Variants in PTPRD observed in about 807,000 individuals in gnomAD.
The protein encoded by PTPRD is protein tyrosine phosphatase receptor type D, also known as receptor-type tyrosine-protein phosphatase delta.
Under a neutral mutation model 214.5 loss-of-function variants are expected in PTPRD, and 34 were observed. The ratio of observed to expected loss-of-function variants is 0.16; its 90% confidence interval spans 0.12 to 0.21. PTPRD has a LOEUF of 0.21. PTPRD is among the 10% of genes least tolerant of loss of function. PTPRD has a pLI of 1.00. For synonymous variants in PTPRD, 1,128 were observed against 845.7 expected, an observed-to-expected ratio of 1.33 and a Z score of -5.79; for missense variants, 2,545 against 2,398.7, an observed-to-expected ratio of 1.06 and a Z score of -1.27.
intron 6 of PTPRD, among the ~76,000 whole-genome samples, chr9:9,748,794 G>T (rs564781355): frequency 2.0e-5 from 3 of 152,192 alleles, no homozygotes; most frequent in Admixed American, 6.6e-5. Context: ...TTCATTTGGA[G>T]ATTTATGTCA....
intron 6 of PTPRD, among the ~76,000 whole-genome samples, chr9:9,765,887 C>T (rs1057161692): frequency 4.6e-5 from 7 of 152,116 alleles, no homozygotes; most frequent in Non-Finnish European, 1.0e-4. Context: ...TGGTCTCGAT[C>T]TCCTGACCTC....
chr9:9,947,364 T>TATATATATTATATATATATTATATATATA lies in PTPRD; in HGVS notation c.-471-8755_-471-8754insTATATATATAATATATATATAATATATAT. ...TATATATAATATATATTATATATATTATATATATATTATATATATTTTATA... is the reference window on the plus strand; with the variant it reads ...TATATATAATATATATTATATATATTATATATATTATATATATATTATATATATAATATATATATTATATATATTTTATA... On this transcript the variant is annotated intron_variant, in intron 4 of 45. Coordinates refer to ENST00000381196, the MANE Select transcript of PTPRD (RefSeq NM_002839.4). 5.0e-5 allele frequency among the ~76,000 whole-genome samples: 2 copies of TATATATATTATATATATATTATATATATA among 39,662 alleles called. 1 individual carries two copies. Among genetic ancestry groups the TATATATATTATATATATATTATATATATA allele is most frequent in the South Asian group, 1.7e-3 (2 of 1,196 alleles). The allele number at this position is 39,662 out of a possible 152,430, so 26.0% of individuals were successfully genotyped here. A position where few individuals can be genotyped will look rare whatever the true frequency, so the allele number is the denominator to read the frequency against.
chr9:9,684,889 C>G (rs2097140732), intron 7 of PTPRD, among the ~76,000 whole-genome samples: 1 of 151,572 alleles, frequency 6.6e-6, no homozygotes, highest in Non-Finnish European at 1.5e-5. Flanking sequence ...TGATCCACAG[C>G]ATGTTACTTA....
intron 3 of PTPRD, among the ~76,000 whole-genome samples, chr9:10,109,754 G>T (rs2098673359): frequency 1.3e-5 from 2 of 152,166 alleles, no homozygotes; most frequent in African/African-American, 4.8e-5. Context: ...GATAAAGCCA[G>T]ACCTCTAGGG....
At chr9:9,907,873 G>A (rs1004306493) in intron 5 of PTPRD, among the ~76,000 whole-genome samples, 4 of 151,912 alleles carry the variant, frequency 2.6e-5, no homozygotes, top group African/African-American at 4.8e-5. Flanking sequence ...CCAGTAACAT[G>A]TATTATAGAA....
At chr9:10,550,784 T>C (rs1032498316) in intron 2 of PTPRD, among the ~76,000 whole-genome samples, 4 of 152,234 alleles carry the variant, frequency 2.6e-5, no homozygotes, top group African/African-American at 9.6e-5. Flanking sequence ...TCAGCTCTTC[T>C]GAAATTGGTT....
chr9:9,953,242 G>A (rs754125722), intron 4 of PTPRD, among the ~76,000 whole-genome samples: 24 of 152,040 alleles, frequency 1.6e-4, no homozygotes, highest in South Asian at 4.1e-4. Context: ...ATTTGTGCAC[G>A]CAGACTGCCC....
chr9:8,473,099 G>C (rs370390788), intron 30 of PTPRD, among the ~76,000 whole-genome samples: 21 of 152,216 alleles, frequency 1.4e-4, no homozygotes, highest in African/African-American at 5.1e-4. Context: ...ATGAAATTCC[G>C]TGAGCTGCAG....
intron 23 of PTPRD, among the ~76,000 whole-genome samples, chr9:8,502,184 G>T (rs1024074299): frequency 6.6e-6 from 1 of 151,962 alleles, no homozygotes; most frequent in African/African-American, 2.4e-5. Flanking sequence ...ATCAATAAAA[G>T]ACAGCACAAT....
chr9:10,561,043 T>C (rs1290437186), intron 2 of PTPRD, among the ~76,000 whole-genome samples: 1 of 152,174 alleles, frequency 6.6e-6, no homozygotes, highest in Non-Finnish European at 1.5e-5. Flanking sequence ...GTTGATTTTT[T>C]TCAATTCTTC....
chr9:10,581,196 G>A (rs1029799957), intron 2 of PTPRD, among the ~76,000 whole-genome samples: 9 of 152,050 alleles, frequency 5.9e-5, no homozygotes, highest in Admixed American at 2.6e-4. Flanking sequence ...TACTTATAAC[G>A]CTACCTGGTG....
At chr9:8,432,193 T>G (rs941997578) in intron 35 of PTPRD, among the ~76,000 whole-genome samples, 1 of 152,222 alleles carries the variant, frequency 6.6e-6, no homozygotes, top group African/African-American at 2.4e-5. Context: ...AAGGAGGACT[T>G]TCTTCCCTGC....
intron 2 of PTPRD, among the ~76,000 whole-genome samples, chr9:10,426,091 A>T (rs147887137): frequency 1.6e-3 from 241 of 152,150 alleles, no homozygotes; most frequent in African/African-American, 5.5e-3. Flanking sequence ...TAGAACAGAT[A>T]ATGATGCAAT....
intron 11 of PTPRD, among the ~76,000 whole-genome samples, chr9:8,844,948 C>T (rs549946795): frequency 6.6e-5 from 10 of 151,972 alleles, no homozygotes; most frequent in Non-Finnish European, 1.2e-4. Context: ...TGGACATTAC[C>T]GGCACAAGTT....
At chr9:10,144,334 TAATA>T (rs988238619) in intron 3 of PTPRD, among the ~76,000 whole-genome samples, 3 of 152,034 alleles carry the variant, frequency 2.0e-5, no homozygotes, top group African/African-American at 7.2e-5. Flanking sequence ...CTTAGTAAAA[TAATA>T]AATAAATATT....
chr9:8,323,041 AC>A, intron 44 of PTPRD, among the ~76,000 whole-genome samples: 1 of 152,176 alleles, frequency 6.6e-6, no homozygotes, highest in East Asian at 1.9e-4. Flanking sequence ...GGCACGTTGA[AC>A]ATCAAGACAG....
At chr9:10,536,154 A>T (rs1590281638) in intron 2 of PTPRD, among the ~76,000 whole-genome samples, 1 of 152,112 alleles carries the variant, frequency 6.6e-6, no homozygotes, top group African/African-American at 2.4e-5. Context: ...AGGACCAAGG[A>T]ATATGTCTGC....
At chr9:9,998,123 A>ATATATATATATATATATATATATATAT (rs1555449048) in intron 4 of PTPRD, among the ~76,000 whole-genome samples, 1 of 47,750 alleles carries the variant, frequency 2.1e-5, no homozygotes, top group African/African-American at 1.0e-4. Context: ...AATAAAAAAA[A>ATATATATATATATATATATATATATAT]AAAAAAATAT....
rs386414426 is a variant in PTPRD, at chr9:10,057,858, A to AT, written c.-544-24069_-544-24068insA. Reference sequence around the variant, plus strand: ...CTCCGTCTCAAAAAAAAACAAAAAAAAAACAAAAAAAAAGTGAGTAGTGGA... The same window carrying AT: ...CTCCGTCTCAAAAAAAAACAAAAAAATAAACAAAAAAAAAGTGAGTAGTGGA... On this transcript the variant is annotated intron_variant, in intron 3 of 45. Transcript: ENST00000381196. Among the ~76,000 whole-genome samples the AT allele has an allele frequency of 1.6e-4, 22 of 141,852 alleles. 1 individual carries two copies. The highest frequency in any genetic ancestry group is 4.8e-4 in the African/African-American group (19 of 39,294). The allele number at this position is 141,852 out of a possible 152,430, so 93.1% of individuals were successfully genotyped here. A position where few individuals can be genotyped will look rare whatever the true frequency, so the allele number is the denominator to read the frequency against.
Sources: gnomAD v4.1 joint callset for allele counts (sites outside exome capture counted in the v4.1 genomes callset) on GRCh38, gnomAD v4.1.1 for gene constraint, MANE v1.5 for transcripts, NCBI Gene and HGNC (gene_info 2026-07-23, HGNC 2026-07-21) for gene names.